GIGYF2: variants seen among roughly 807,000 people sequenced by gnomAD.
GIGYF2 encodes the protein GRB10-interacting GYF protein 2.
GIGYF2 carries 25 observed loss-of-function variants against 208.1 expected under a neutral mutation model. The observed-to-expected ratio is 0.12, with a 90% CI of 0.09 to 0.17. The LOEUF is 0.17. Ranked by LOEUF, GIGYF2 falls within the 10% of genes least tolerant of loss-of-function variation. The pLI is 1.00. For missense variants in GIGYF2, 1,302 were observed against 1,579.4 expected, an observed-to-expected ratio of 0.82 and a Z score of 2.98; for synonymous variants, 534 against 543.8, an observed-to-expected ratio of 0.98 and a Z score of 0.25.
intron 26 of GIGYF2, 63 bp from the exon 27 acceptor site, chr2:232,847,285 T>G (rs1702037925): frequency 3.2e-6 from 5 of 1,565,556 alleles, no homozygotes; most frequent in South Asian, 1.1e-5. Flanking sequence ...TGGAAACTGA[T>G]TTTTGTAAGT....
Position 232,844,274 on chromosome 2 carries a change from G to T in GIGYF2, c.3099+19G>T, listed in dbSNP as rs1574948699. On this transcript the variant is annotated intron_variant, in intron 24 of 28. Coordinates refer to ENST00000373563, the MANE Select transcript of GIGYF2 (RefSeq NM_001103146.3). ...CAATACGGTGTGTGCATTTTCCTAAGCTGTCGTTGTATGGACTAGTATTAT... is the reference window on the plus strand; with the variant it reads ...CAATACGGTGTGTGCATTTTCCTAATCTGTCGTTGTATGGACTAGTATTAT... 6.2e-7 allele frequency: 1 copy of T among 1,602,640 alleles called. No homozygotes were observed.
chr2:232,721,831 G>C (rs1413581022), intron 2 of GIGYF2, among the ~76,000 whole-genome samples: 1 of 152,094 alleles, frequency 6.6e-6, no homozygotes, highest in Non-Finnish European at 1.5e-5. Flanking sequence ...GGTTACTTTA[G>C]AGTCTATGTA....
intron 5 of GIGYF2, among the ~76,000 whole-genome samples, chr2:232,749,725 G>A (rs889741447): frequency 8.5e-5 from 13 of 152,138 alleles, no homozygotes; most frequent in African/African-American, 3.1e-4. Flanking sequence ...GCATCCATAC[G>A]GGAAGAAGAG....
chr2:232,699,070 G>GA (rs1168868281), intron 1 of GIGYF2, among the ~76,000 whole-genome samples: 1 of 152,080 alleles, frequency 6.6e-6, no homozygotes, highest in African/African-American at 2.4e-5. Flanking sequence ...CGATGTGAAA[G>GA]AAAAAAATGA....
chr2:232,775,700 G>T (rs1699483494), intron 8 of GIGYF2, among the ~76,000 whole-genome samples: 1 of 152,310 alleles, frequency 6.6e-6, no homozygotes, highest in Middle Eastern at 3.4e-3. Flanking sequence ...TCATTGGGTT[G>T]TAGCACTTAA....
intron 6 of GIGYF2, among the ~76,000 whole-genome samples, chr2:232,758,616 C>T (rs1698631339): frequency 6.6e-6 from 1 of 152,118 alleles, no homozygotes; most frequent in Admixed American, 6.5e-5. Context: ...TAGTATGTCC[C>T]ACCCTAAAGT....
chr2:232,789,486 A>G (rs1380128556), intron 9 of GIGYF2, among the ~76,000 whole-genome samples: 2 of 152,214 alleles, frequency 1.3e-5, no homozygotes, highest in Non-Finnish European at 2.9e-5. Flanking sequence ...CAGTCTGAGT[A>G]TAAAATTCCT....
chr2:232,702,370 C>T (rs1265962143), intron 1 of GIGYF2, among the ~76,000 whole-genome samples: 4 of 151,656 alleles, frequency 2.6e-5, no homozygotes, highest in Non-Finnish European at 4.4e-5. Context: ...ACCTGGGAGG[C>T]GGAGGTTGCC....
chr2:232,782,478 C>G (rs1182282904), intron 8 of GIGYF2, among the ~76,000 whole-genome samples: 1 of 152,124 alleles, frequency 6.6e-6, no homozygotes, highest in Non-Finnish European at 1.5e-5. Context: ...CATATACTTA[C>G]CAAAACTCAT....
chr2:232,842,584 T>C (rs1189727736), intron 23 of GIGYF2, among the ~76,000 whole-genome samples: 1 of 152,234 alleles, frequency 6.6e-6, no homozygotes, highest in Non-Finnish European at 1.5e-5. Context: ...GTTAGAAGTT[T>C]ATGTCAAATG....
chr2:232,752,137 T>C (rs945364527), intron 5 of GIGYF2, among the ~76,000 whole-genome samples: 1 of 152,212 alleles, frequency 6.6e-6, no homozygotes, highest in East Asian at 1.9e-4. Flanking sequence ...TGATGCATAT[T>C]TGGTAGCCTT....
chr2:232,790,827 A>G lies in GIGYF2; in HGVS notation c.842A>G (p.Asp281Gly), dbSNP rs1167617879. The G allele has an allele frequency of 6.2e-7, 1 of 1,614,150 alleles. No homozygotes were observed. Among genetic ancestry groups the G allele is most frequent in the Admixed American group, 1.7e-5 (1 of 60,014 alleles). Residue 281 changes from aspartate to glycine, a missense_variant, in exon 10 of 29, where the codon GAC (aspartate) becomes GGC (glycine). Asp to Gly is a moderately conservative substitution (Grantham distance 94). Transcript: ENST00000373563. ...TCTGGCAGTGGGAGCATAGATGATG[A>G]CAGGGATAGCTTGCCCGAATGGTGC... Reference protein sequence around the residue: ...VRSGSGSIDDDRDSLPEWCLE... With the variant: ...VRSGSGSIDDGRDSLPEWCLE...
intron 14 of GIGYF2, among the ~76,000 whole-genome samples, chr2:232,802,801 A>G (rs561604108): frequency 2.6e-5 from 4 of 152,198 alleles, no homozygotes; most frequent in African/African-American, 9.6e-5. Flanking sequence ...CAGTTTTTGG[A>G]AAAAGTTTGA....
chr2:232,791,294 C>T lies in GIGYF2; in HGVS notation c.1130C>T (p.Ser377Phe). ...SEETPQTSSS[S>F]ARPGTPSDHQ... ...GAAACTCCCCAGACCTCATCATCAT[C>T]TGCTAGACCAGGTACTCCTTCAGAC... is the stretch of plus-strand genomic sequence containing the variant. Residue 377 changes from serine to phenylalanine, a missense_variant, in exon 12 of 29, where the codon TCT (serine) becomes TTT (phenylalanine). This residue lies in a region of GIGYF2 where 235 missense variants were observed against 218.8 expected (regional missense o/e 1.07). Coordinates refer to ENST00000373563, the MANE Select transcript of GIGYF2 (RefSeq NM_001103146.3). The T allele has an allele frequency of 6.2e-7, 1 of 1,614,090 alleles. No individual in the cohort carries two copies. Among genetic ancestry groups the T allele is most frequent in the South Asian group, 1.1e-5 (1 of 91,088 alleles).
chr2:232,855,080 CTTTTTTTTT>C (rs201395041), intron 28 of GIGYF2, among the ~76,000 whole-genome samples: 15 of 109,170 alleles, frequency 1.4e-4, no homozygotes, highest in Non-Finnish European at 2.3e-4. Context: ...CTTTTTCTTT[CTTTTTTTTT>C]TTTTTTTTTT....
chr2:232,698,896 A>G (rs140904351), intron 1 of GIGYF2, among the ~76,000 whole-genome samples: 1 of 152,302 alleles, frequency 6.6e-6, no homozygotes, highest in African/African-American at 2.4e-5. Flanking sequence ...ATGTGCTTCC[A>G]TTCATTTGTT....
intron 12 of GIGYF2, among the ~76,000 whole-genome samples, chr2:232,792,845 A>G (rs552668278): frequency 2.6e-5 from 4 of 152,308 alleles, no homozygotes; most frequent in African/African-American, 9.6e-5. Context: ...TTCTTGGATC[A>G]AGTCTAGATA....
intron 5 of GIGYF2, among the ~76,000 whole-genome samples, chr2:232,754,160 G>A (rs772654148): frequency 1.4e-4 from 20 of 147,872 alleles, no homozygotes; most frequent in Non-Finnish European, 2.5e-4. Flanking sequence ...GCAAGACCCC[G>A]TCTCAAAAAA....
At chr2:232,846,264 T>C (rs1299010848) in intron 26 of GIGYF2, among the ~76,000 whole-genome samples, 2 of 152,186 alleles carry the variant, frequency 1.3e-5, no homozygotes, top group Non-Finnish European at 2.9e-5. Context: ...TGAAGTGATG[T>C]GACATCATTC....
Sources: gnomAD v4.1 joint callset for allele counts (sites outside exome capture counted in the v4.1 genomes callset) on GRCh38, gnomAD v4.1.1 for gene constraint, gnomAD v4.1.1 regional missense constraint, MANE v1.5 for transcripts, NCBI Gene and HGNC (gene_info 2026-07-23, HGNC 2026-07-21) for gene names.